The following ZMYND8 variants were observed in gnomAD, a reference collection of about 807,000 sequenced individuals.
ZMYND8 encodes the protein zinc finger MYND-type containing 8.
ZMYND8 carries 37 observed loss-of-function variants against 140.8 expected under a neutral mutation model. That is an observed-to-expected ratio of 0.26 (90% CI 0.20 to 0.35). The LOEUF is 0.35. Ranked by LOEUF, ZMYND8 falls within the 10% of genes least tolerant of loss-of-function variation. ZMYND8 has a pLI of 1.00. For synonymous variants in ZMYND8, 592 were observed against 597.1 expected, an observed-to-expected ratio of 0.99 and a Z score of 0.12; for missense variants, 1,068 against 1,570.0, an observed-to-expected ratio of 0.68 and a Z score of 5.40.
At chr20:47,313,494 C>CATAT (rs2079122006) in intron 2 of ZMYND8, among the ~76,000 whole-genome samples, 2 of 151,702 alleles carry the variant, frequency 1.3e-5, no homozygotes, top group Non-Finnish European at 2.9e-5. Context: ...TGGTGGCGGG[C>CATAT]GCCTGTAGTC....
chr20:47,240,528 A>G (rs774505333), intron 14 of ZMYND8, among the ~76,000 whole-genome samples: 3 of 151,966 alleles, frequency 2.0e-5, no homozygotes, highest in Non-Finnish European at 2.9e-5. Flanking sequence ...TAATAATAAT[A>G]ATAAATGAAA....
At chr20:47,277,223 A>G (rs2076309234) in intron 10 of ZMYND8, among the ~76,000 whole-genome samples, 1 of 152,264 alleles carries the variant, frequency 6.6e-6, no homozygotes, top group Non-Finnish European at 1.5e-5. Flanking sequence ...GGAATACTGC[A>G]TCCCTAAAAG....
intron 10 of ZMYND8, among the ~76,000 whole-genome samples, chr20:47,281,594 A>T (rs1052462820): frequency 1.3e-5 from 2 of 152,100 alleles, no homozygotes; most frequent in African/African-American, 4.8e-5. Flanking sequence ...GAAGGCTGGG[A>T]GGGAGGGCTC....
At chr20:47,221,109 C>A (rs1339723420) in intron 20 of ZMYND8, among the ~76,000 whole-genome samples, 1 of 152,118 alleles carries the variant, frequency 6.6e-6, no homozygotes, top group Non-Finnish European at 1.5e-5. Flanking sequence ...TGAGGGTCCC[C>A]AGCAGAGAGT....
intron 2 of ZMYND8, among the ~76,000 whole-genome samples, chr20:47,312,030 C>T (rs539477879): frequency 1.3e-5 from 2 of 152,214 alleles, no homozygotes; most frequent in South Asian, 2.1e-4. Flanking sequence ...TCCTGAGGAA[C>T]GAAAGCTACA....
intron 11 of ZMYND8, among the ~76,000 whole-genome samples, chr20:47,275,702 C>T (rs1010863829): frequency 9.9e-5 from 15 of 152,124 alleles, no homozygotes; most frequent in East Asian, 3.9e-4. Flanking sequence ...TCCCAGGCTC[C>T]GGCAATCCTC....
At chr20:47,306,647 T>C (rs1014107574) in intron 3 of ZMYND8, among the ~76,000 whole-genome samples, 1 of 150,276 alleles carries the variant, frequency 6.7e-6, no homozygotes, top group African/African-American at 2.5e-5. Flanking sequence ...CTCAGCTCAC[T>C]GCAACCGCTG....
At chr20:47,301,179 T>C (rs1183398540) in intron 3 of ZMYND8, among the ~76,000 whole-genome samples, 3 of 146,970 alleles carry the variant, frequency 2.0e-5, no homozygotes, top group Non-Finnish European at 4.5e-5. Context: ...TTTGAGATGG[T>C]GTTCCGCTCT....
chr20:47,342,032 C>A (rs532431991), intron 2 of ZMYND8, among the ~76,000 whole-genome samples: 184 of 151,468 alleles, frequency 1.2e-3, no homozygotes, highest in South Asian at 7.7e-3. Flanking sequence ...CTTAGCCAGG[C>A]GTGGTGGTGT....
chr20:47,251,559 C>T (rs1375053265), intron 12 of ZMYND8, among the ~76,000 whole-genome samples: 1 of 151,408 alleles, frequency 6.6e-6, no homozygotes, highest in Non-Finnish European at 1.5e-5. Flanking sequence ...TGCACTCCAG[C>T]CTGGGTGAGC....
chr20:47,234,533 T>C (rs1230859266), intron 16 of ZMYND8, among the ~76,000 whole-genome samples: 2 of 152,192 alleles, frequency 1.3e-5, no homozygotes, highest in Non-Finnish European at 2.9e-5. Context: ...GCAGACACCA[T>C]GACTGCAACT....
intron 3 of ZMYND8, among the ~76,000 whole-genome samples, chr20:47,300,882 TTTTGTGTGTGTGTGTGTG>T (rs1418745768): frequency 5.0e-5 from 6 of 120,706 alleles, no homozygotes; most frequent in African/African-American, 1.7e-4. Flanking sequence ...GCACAACTAA[TTTTGTGTGTGTGTGTGTG>T]TGTGTGTGTG....
intron 1 of ZMYND8, among the ~76,000 whole-genome samples, chr20:47,355,225 G>A (rs1385758387): frequency 6.6e-6 from 1 of 152,182 alleles, no homozygotes; most frequent in Non-Finnish European, 1.5e-5. Flanking sequence ...CCCTGACTCA[G>A]GGTAAACAGG....
intron 2 of ZMYND8, among the ~76,000 whole-genome samples, chr20:47,332,640 T>G (rs1014451016): frequency 6.6e-5 from 10 of 151,920 alleles, no homozygotes; most frequent in African/African-American, 2.2e-4. Flanking sequence ...AGCCCAGAAG[T>G]TCATGGCTGC....
At chr20:47,217,963 A>G (rs958464655) in intron 21 of ZMYND8, among the ~76,000 whole-genome samples, 3 of 151,858 alleles carry the variant, frequency 2.0e-5, no homozygotes, top group Non-Finnish European at 4.4e-5. Context: ...GGAGTCAGCA[A>G]ACTATGGCCA....
intron 12 of ZMYND8, among the ~76,000 whole-genome samples, chr20:47,257,054 G>C (rs969666801): frequency 6.6e-6 from 1 of 152,120 alleles, no homozygotes; most frequent in African/African-American, 2.4e-5. Context: ...TCTAGTCTCA[G>C]AAACTCATTC....
intron 3 of ZMYND8, among the ~76,000 whole-genome samples, chr20:47,305,215 G>A (rs369261219): frequency 1.6e-4 from 25 of 151,874 alleles, no homozygotes; most frequent in African/African-American, 5.8e-4. Context: ...CTGTACTCCA[G>A]CCTGGACAAC....
chr20:47,296,682 A>G (rs1468887705), intron 4 of ZMYND8, among the ~76,000 whole-genome samples: 1 of 152,200 alleles, frequency 6.6e-6, no homozygotes, highest in Non-Finnish European at 1.5e-5. Flanking sequence ...TTGGCCGGGC[A>G]CAGTGGCTCA....
At chr20:47,275,118 AGAC>A (rs2076179556) in intron 11 of ZMYND8, among the ~76,000 whole-genome samples, 1 of 152,236 alleles carries the variant, frequency 6.6e-6, no homozygotes, top group Non-Finnish European at 1.5e-5. Flanking sequence ...AAATCTTCCA[AGAC>A]ATCTTAAACT....
Sources: gnomAD v4.1 joint callset for allele counts (sites outside exome capture counted in the v4.1 genomes callset) on GRCh38, gnomAD v4.1.1 for gene constraint, MANE v1.5 for transcripts, NCBI Gene and HGNC (gene_info 2026-07-23, HGNC 2026-07-21) for gene names.